EFEMP1: variants seen among roughly 807,000 people sequenced by gnomAD.
EFEMP1 encodes the protein EGF-containing fibulin-like extracellular matrix protein 1.
In EFEMP1, 18 loss-of-function variants were observed where a neutral mutation model predicts 65.7. That is an observed-to-expected ratio of 0.27 (90% CI 0.19 to 0.41). The LOEUF (loss-of-function observed/expected upper bound fraction) is 0.41. Ranked by LOEUF, EFEMP1 falls within the 10% of genes least tolerant of loss-of-function variation. The pLI, the probability that EFEMP1 is intolerant of heterozygous loss-of-function variation, is 1.00. For missense variants in EFEMP1, 469 were observed against 624.8 expected, an observed-to-expected ratio of 0.75 and a Z score of 2.66; for synonymous variants, 237 against 219.7, an observed-to-expected ratio of 1.08 and a Z score of -0.70.
intron 5 of EFEMP1, among the ~76,000 whole-genome samples, chr2:55,913,739 G>A (rs548065751): frequency 6.6e-6 from 1 of 152,200 alleles, no homozygotes; most frequent in African/African-American, 2.4e-5. Flanking sequence ...GCCAGGTACA[G>A]TGGCTCAGGC....
At chr2:55,881,259 A>G (rs1467804628) in intron 6 of EFEMP1, among the ~76,000 whole-genome samples, 1 of 152,204 alleles carries the variant, frequency 6.6e-6, no homozygotes, top group Non-Finnish European at 1.5e-5. Context: ...GTGCTATGCT[A>G]TGCTCTGCAG....
At chr2:55,910,071 C>T (rs1040396033) in intron 5 of EFEMP1, among the ~76,000 whole-genome samples, 1 of 152,122 alleles carries the variant, frequency 6.6e-6, no homozygotes, top group Non-Finnish European at 1.5e-5. Context: ...TAGAATTTGA[C>T]TTAGTGCAAA....
At position 55,870,417 on chromosome 2, in the gene EFEMP1, A is replaced by T. The variant is rs1435405177; in HGVS notation, c.1320+303T>A. 2.0e-5 allele frequency among the ~76,000 whole-genome samples: 3 copies of T among 152,088 alleles called. No homozygotes were observed. Among genetic ancestry groups the T allele is most frequent in the Non-Finnish European group, 2.9e-5 (2 of 68,012 alleles). ...GGCTTGTATTTTCGTGGTCACACACAACTCTATCAGAGTCTGCCAAACTTA... is the reference window on the plus strand; with the variant it reads ...GGCTTGTATTTTCGTGGTCACACACTACTCTATCAGAGTCTGCCAAACTTA... On this transcript the variant is annotated intron_variant, in intron 11 of 11. Coordinates refer to ENST00000355426, the MANE Select transcript of EFEMP1 (RefSeq NM_001039348.3). This position sits in a 1 kb window ranked among gnomAD's most constrained non-coding sequence, Gnocchi z 5.8.
chr2:55,920,489 A>C (rs1670875161), intron 3 of EFEMP1, among the ~76,000 whole-genome samples: 2 of 152,238 alleles, frequency 1.3e-5, no homozygotes, highest in African/African-American at 4.8e-5. Context: ...CTGAATGGAC[A>C]CCATCTTTAA....
intron 5 of EFEMP1, among the ~76,000 whole-genome samples, chr2:55,896,755 A>T (rs991114601): frequency 6.6e-6 from 1 of 152,222 alleles, no homozygotes; most frequent in African/African-American, 2.4e-5. Context: ...AAGAGGGCAC[A>T]TTTCATGTGG....
At position 55,870,632 on chromosome 2, in the gene EFEMP1, T is replaced by G; in HGVS notation, c.1320+88A>C. The G allele has an allele frequency of 6.5e-7, 1 of 1,528,654 alleles. No homozygotes were observed. The highest frequency in any genetic ancestry group is 2.3e-5 in the East Asian group (1 of 44,318). The allele number at this position is 1,528,654 out of a possible 1,614,324, so 94.7% of individuals were successfully genotyped here. ...TTTAAATGTTTGCTTTCCTTCCACA[T>G]GTGGATACCACACAACAACAACAAC... On this transcript the variant is annotated intron_variant, in intron 11 of 11. Coordinates refer to ENST00000355426, the MANE Select transcript of EFEMP1 (RefSeq NM_001039348.3). The surrounding 1 kb of genome is among the most constrained non-coding windows in gnomAD (Gnocchi z 5.8).
In EFEMP1 at chr2:55,867,585, A is replaced by G. The variant is rs2104361702; in HGVS notation, c.1321-351T>C. On this transcript the variant is annotated intron_variant, in intron 11 of 11. Coordinates refer to ENST00000355426, the MANE Select transcript of EFEMP1 (RefSeq NM_001039348.3). The surrounding 1 kb of genome is among the most constrained non-coding windows in gnomAD (Gnocchi z 4.3). ...TGATAATTTCTAAACTTGTAAACAA[A>G]GTTGTCACTTTTCATTTTCTCAACA... 6.6e-6 allele frequency among the ~76,000 whole-genome samples: 1 copy of G among 152,270 alleles called. No individual in the cohort carries two copies. Among genetic ancestry groups the G allele is most frequent in the South Asian group, 2.1e-4 (1 of 4,822 alleles).
Position 55,921,999 on chromosome 2 carries a change from T to C in EFEMP1, c.81+361A>G, listed in dbSNP as rs1474327614. ...TGACTTGAGTCTTATTCTGCACGTA[T>C]TGGTTTTATCTGCATGTGGTAGGAG... On this transcript the variant is annotated intron_variant, in intron 3 of 11. Coordinates refer to ENST00000355426, the MANE Select transcript of EFEMP1 (RefSeq NM_001039348.3). This position sits in a 1 kb window ranked among gnomAD's most constrained non-coding sequence, Gnocchi z 4.1. 2 of 328,960 alleles carry C rather than the reference T, an allele frequency of 6.1e-6. No individual in the cohort carries two copies. Among genetic ancestry groups the C allele is most frequent in the South Asian group, 2.6e-5 (1 of 38,210 alleles). 20.4% of individuals were successfully genotyped at this position (328,960 alleles called of 1,614,324 possible).
chr2:55,890,279 G>C (rs1439828948), intron 5 of EFEMP1, among the ~76,000 whole-genome samples: 2 of 151,888 alleles, frequency 1.3e-5, no homozygotes, highest in African/African-American at 4.8e-5. Context: ...GGAATATGTA[G>C]AAATTCTAAA....
Position 55,922,489 on chromosome 2 carries a change from G to T in EFEMP1, c.-7-42C>A, listed in dbSNP as rs1670939020. ...GACAAACTAATGTTTAGTATCTGCT[G>T]CGGGGAAAGTAACAAAACTTTAGCA... On this transcript the variant is annotated intron_variant, in intron 2 of 11. Coordinates refer to ENST00000355426, the MANE Select transcript of EFEMP1 (RefSeq NM_001039348.3). The surrounding 1 kb of genome is among the most constrained non-coding windows in gnomAD (Gnocchi z 5.5). The T allele has an allele frequency of 6.4e-7, 1 of 1,574,064 alleles. No individual in the cohort carries two copies. The highest frequency in any genetic ancestry group is 8.7e-7 in the Non-Finnish European group (1 of 1,145,120).
chr2:55,922,645 T>G lies in EFEMP1; in HGVS notation c.-7-198A>C. ...GCCAACGAACGAGGCAGCAAAGACG[T>G]AAAAACTGCTGTAGAATTGCATTTC... On this transcript the variant is annotated intron_variant, in intron 2 of 11. Transcript: ENST00000355426. This position sits in a 1 kb window ranked among gnomAD's most constrained non-coding sequence, Gnocchi z 5.5. 1 of 591,588 alleles carries G rather than the reference T, an allele frequency of 1.7e-6. No individual in the cohort carries two copies. Among genetic ancestry groups the G allele is most frequent in the Non-Finnish European group, 3.0e-6 (1 of 336,010 alleles). The allele number at this position is 591,588 out of a possible 1,614,324, so 36.6% of individuals were successfully genotyped here. A position where few individuals can be genotyped will look rare whatever the true frequency, so the allele number is the denominator to read the frequency against.
intron 5 of EFEMP1, among the ~76,000 whole-genome samples, chr2:55,889,759 C>G (rs922956698): frequency 6.7e-6 from 1 of 150,296 alleles, no homozygotes; most frequent in East Asian, 2.0e-4. Context: ...ACTAATTGAT[C>G]TTAAATTTTG....
chr2:55,874,959 A>G lies in EFEMP1; in HGVS notation c.987T>C (p.Ser329=), dbSNP rs777424675. Residue 329 remains serine (S), a synonymous_variant, in exon 9 of 12, where the codon AGT becomes AGC. Transcript: ENST00000355426. ...AAATAAACTTACCTTGACATGTTCT[A>G]CTTCTCACCACTTGGTATCCCTGGG... ...MCPQGYQVVR[S]RTCQDINECE... is the part of the protein sequence containing the mutation. 6 of 1,605,188 alleles carry G rather than the reference A, an allele frequency of 3.7e-6. No individual in the cohort carries two copies. Among genetic ancestry groups the G allele is most frequent in the South Asian group, 1.1e-5 (1 of 90,820 alleles).
At chr2:55,910,253 C>T (rs770980042) in intron 5 of EFEMP1, among the ~76,000 whole-genome samples, 1 of 152,146 alleles carries the variant, frequency 6.6e-6, no homozygotes, top group African/African-American at 2.4e-5. Flanking sequence ...TACAAACCTG[C>T]AATTCTTTTT....
intron 6 of EFEMP1, among the ~76,000 whole-genome samples, chr2:55,878,596 GTAATT>G (rs1669122454): frequency 6.6e-6 from 1 of 152,144 alleles, no homozygotes; most frequent in Non-Finnish European, 1.5e-5. Flanking sequence ...CATGGCATGT[GTAATT>G]TAAAACAACC....
intron 5 of EFEMP1, among the ~76,000 whole-genome samples, chr2:55,901,737 T>G (rs949597946): frequency 6.6e-6 from 1 of 152,214 alleles, no homozygotes; most frequent in Non-Finnish European, 1.5e-5. Flanking sequence ...GCCAACATCT[T>G]GGCATTCACA....
rs1413415482 is a variant in EFEMP1 at position 55,876,681 on chromosome 2, T to C, written c.822A>G (p.Ser274=). ...ATCCTTGATTGCACTGACAGATGAA[T>C]GAACCAAGAATGTTGTAGCACTGCT... is the stretch of plus-strand genomic sequence containing the variant. ...CAQQCYNILG[S]FICQCNQGYE... is the part of the protein sequence containing the mutation. Residue 274 remains serine (S), a synonymous_variant, in exon 8 of 12, where the codon TCA becomes TCG. Coordinates refer to ENST00000355426, the MANE Select transcript of EFEMP1 (RefSeq NM_001039348.3). 3.1e-6 allele frequency: 5 copies of C among 1,612,454 alleles called. No homozygotes were observed. Among genetic ancestry groups the C allele is most frequent in the Non-Finnish European group, 4.2e-6 (5 of 1,178,982 alleles).
chr2:55,867,918 A>G lies in EFEMP1; in HGVS notation c.1321-684T>C, dbSNP rs1668644471. On this transcript the variant is annotated intron_variant, in intron 11 of 11. Coordinates refer to ENST00000355426, the MANE Select transcript of EFEMP1 (RefSeq NM_001039348.3). The surrounding 1 kb of genome is among the most constrained non-coding windows in gnomAD (Gnocchi z 4.3). Reference sequence around the variant, plus strand: ...TGGAGGGAGATGAGGTTGGAGAGGCAGGTAAGTGGATGTGTGAGTTTGAAT... The same window carrying G: ...TGGAGGGAGATGAGGTTGGAGAGGCGGGTAAGTGGATGTGTGAGTTTGAAT... Among the ~76,000 whole-genome samples, 1 of 152,110 alleles carries G rather than the reference A, an allele frequency of 6.6e-6. No homozygotes were observed. Among genetic ancestry groups the G allele is most frequent in the African/African-American group, 2.4e-5 (1 of 41,420 alleles).
Position 55,919,039 on chromosome 2 carries a change from C to T in EFEMP1, c.82-772G>A, listed in dbSNP as rs1163752353. The stretch of plus-strand genomic sequence containing the variant: ...GACTCTGCCCGGGGGCATGGGTGAG[C>T]ATGGCAGGGCAGAAGGGAAGACTTG... On this transcript the variant is annotated intron_variant, in intron 3 of 11. Transcript: ENST00000355426. The surrounding 1 kb of genome is among the most constrained non-coding windows in gnomAD (Gnocchi z 4.5). Among the ~76,000 whole-genome samples the T allele has an allele frequency of 6.6e-6, 1 of 152,174 alleles. No individual in the cohort carries two copies. Among genetic ancestry groups the T allele is most frequent in the Non-Finnish European group, 1.5e-5 (1 of 68,028 alleles).
Sources: allele counts gnomAD v4.1 joint callset (sites outside exome capture counted in the v4.1 genomes callset), GRCh38; gene constraint gnomAD v4.1.1; non-coding constraint Gnocchi (gnomAD v3.1); transcripts MANE v1.5; gene names NCBI Gene and HGNC (gene_info 2026-07-23, HGNC 2026-07-21).